Variants in CUL2 observed in about 807,000 individuals in gnomAD.
The protein encoded by CUL2 is cullin 2.
In CUL2, 22 loss-of-function variants were observed where a neutral mutation model predicts 110.2. The ratio of observed to expected loss-of-function variants is 0.20; its 90% CI spans 0.14 to 0.28. CUL2 has a LOEUF of 0.28. Ranked by LOEUF, CUL2 falls within the 10% of genes least tolerant of loss-of-function variation. The pLI, the probability that CUL2 is intolerant of heterozygous loss-of-function variation, is 1.00. For synonymous variants in CUL2, 279 were observed against 293.2 expected (o/e 0.95, Z 0.49); for missense variants, 631 against 905.5 (o/e 0.70, Z 3.89).
chr10:35,041,199 A>G (rs781462561), intron 8 of CUL2, among the ~76,000 whole-genome samples: 18 of 152,242 alleles, frequency 1.2e-4, no homozygotes, highest in Non-Finnish European at 2.4e-4. Flanking sequence ...AGCATACTAT[A>G]GTGACTTTAA....
chr10:35,080,289 C>G (rs544245115), intron 1 of CUL2, among the ~76,000 whole-genome samples: 7 of 152,136 alleles, frequency 4.6e-5, no homozygotes, highest in Non-Finnish European at 1.0e-4. Context: ...AATGAGCAAG[C>G]CACTGGATGT....
upstream of CUL2, among the ~76,000 whole-genome samples, chr10:35,092,957 C>G (rs2087235873): frequency 6.6e-6 from 1 of 152,070 alleles, no homozygotes; most frequent in Non-Finnish European, 1.5e-5. Context: ...TTGTGACTTC[C>G]CCAGTTGCTC....
intron 1 of CUL2, among the ~76,000 whole-genome samples, chr10:35,114,663 G>A (rs1272108480): frequency 3.3e-5 from 5 of 152,242 alleles, no homozygotes; most frequent in South Asian, 4.1e-4. Flanking sequence ...TTACAGGCAT[G>A]AGCCACCGCG....
chr10:35,086,919 A>G (rs2087079128), intron 1 of CUL2, among the ~76,000 whole-genome samples: 1 of 152,206 alleles, frequency 6.6e-6, no homozygotes, highest in African/African-American at 2.4e-5. Context: ...TGGGAACAAT[A>G]TTTGCTTATA....
intron 1 of CUL2, among the ~76,000 whole-genome samples, chr10:35,125,745 A>G (rs1001768846): frequency 2.0e-5 from 3 of 152,236 alleles, no homozygotes; most frequent in Non-Finnish European, 4.4e-5. Context: ...GTTTGGCTTA[A>G]AGCCATGATT....
chr10:35,044,051 C>CAAAAAAAAAAAAAAAAAAAAA, intron 8 of CUL2, among the ~76,000 whole-genome samples: 1 of 87,796 alleles, frequency 1.1e-5, no homozygotes, highest in Non-Finnish European at 2.2e-5. Flanking sequence ...ACCACATCTC[C>CAAAAAAAAAAAAAAAAAAAAA]AAAAAAAAAA....
intron 1 of CUL2, among the ~76,000 whole-genome samples, chr10:35,085,357 GA>G (rs1023749669): frequency 2.0e-5 from 3 of 151,166 alleles, no homozygotes; most frequent in African/African-American, 7.3e-5. Flanking sequence ...GTAGACCCAG[GA>G]GGCAGAGCTT....
chr10:35,065,621 A>C (rs893941359), intron 2 of CUL2, among the ~76,000 whole-genome samples: 3 of 152,092 alleles, frequency 2.0e-5, no homozygotes, highest in Middle Eastern at 3.4e-3. Flanking sequence ...TCCATCTCAA[A>C]AATAAATAAA....
At chr10:35,038,458 G>A (rs562981440) in intron 9 of CUL2, among the ~76,000 whole-genome samples, 94 of 135,676 alleles carry the variant, frequency 6.9e-4, no homozygotes, top group African/African-American at 2.4e-3. Context: ...TCTGGGAGGC[G>A]GAGGTTGCAG....
At position 35,073,585 on chromosome 10, in the gene CUL2, CT is replaced by C. The variant is rs889592586; in HGVS notation, c.-22-2247del. 1.3e-3 allele frequency among the ~76,000 whole-genome samples: 190 copies of C among 145,674 alleles called. 1 individual carries two copies. The highest frequency in any genetic ancestry group is 4.9e-3 in the South Asian group (22 of 4,504). On this transcript the variant is annotated intron_variant, in intron 1 of 20. Transcript: ENST00000374749. ...TGTTGTCCCCATTTTCTTTTCTTTT[CT>C]TTTTTTTTTTCTTTTTCTTTTTCTT...
intron 1 of CUL2, among the ~76,000 whole-genome samples, chr10:35,072,812 G>A (rs1255688267): frequency 1.3e-5 from 2 of 152,170 alleles, no homozygotes; most frequent in Non-Finnish European, 2.9e-5. Flanking sequence ...ACATTTTTCT[G>A]GCAAATGTTT....
Position 35,031,545 on chromosome 10 carries a change from G to A in CUL2, c.1245C>T (p.Leu415=), listed in dbSNP as rs1449529223. 2 of 1,614,014 alleles carry A rather than the reference G, an allele frequency of 1.2e-6. No individual in the cohort carries two copies. Among genetic ancestry groups the A allele is most frequent in the African/African-American group, 1.3e-5 (1 of 74,930 alleles). The change falls in exon 13 of 21, where the codon CTC becomes CTT. Residue 415 remains leucine (L), a synonymous_variant. Coordinates refer to ENST00000374749, the MANE Select transcript of CUL2 (RefSeq NM_003591.4). The surrounding 1 kb of genome is among the most constrained non-coding windows in gnomAD (Gnocchi z 4.4). The part of the protein sequence containing the change: ...GMTENEVEDR[L]TSFITVFKYI... ...ATTTGAACACTGTGATGAAGCTCGTGAGCCTGTCTTCCACTTCATTCTCTG... is the reference window on the plus strand; with the variant it reads ...ATTTGAACACTGTGATGAAGCTCGTAAGCCTGTCTTCCACTTCATTCTCTG...
chr10:35,023,760 A>G (rs1023846652), intron 17 of CUL2, among the ~76,000 whole-genome samples: 69 of 148,180 alleles, frequency 4.7e-4, no homozygotes, highest in South Asian at 2.1e-3. Flanking sequence ...TTCTTAGGGG[A>G]AAAAAAAAAA....
In CUL2 at chr10:35,009,290, AG is replaced by A. The variant is rs2084841881; in HGVS notation, c.*1020del. The A allele has an allele frequency of 6.6e-6, 1 of 151,120 alleles. No individual in the cohort carries two copies. The highest frequency in any genetic ancestry group is 1.5e-5 in the Non-Finnish European group (1 of 67,844). 9.4% of individuals were successfully genotyped at this position (151,120 alleles called of 1,614,324 possible). ...AATGTACAATTTTCTTTTTTAAAAAAGTATTTAGGTTATGCATTGCTAAGCA... is the reference window on the plus strand; with the variant it reads ...AATGTACAATTTTCTTTTTTAAAAAATATTTAGGTTATGCATTGCTAAGCA... On this transcript the variant is annotated 3_prime_UTR_variant, in exon 21 of 21. Coordinates refer to ENST00000374749, the MANE Select transcript of CUL2 (RefSeq NM_003591.4).
At chr10:35,062,929 A>C (rs1163215730) in intron 3 of CUL2, 31 bp downstream of exon 3, 2 of 1,206,166 alleles carry the variant, frequency 1.7e-6, no homozygotes, top group East Asian at 4.7e-5. Flanking sequence ...AACTATCAAC[A>C]TATTTATATC....
intron 18 of CUL2, among the ~76,000 whole-genome samples, 198 bp downstream of exon 18, chr10:35,015,994 G>A (rs191644288): frequency 2.0e-5 from 3 of 152,170 alleles, no homozygotes; most frequent in African/African-American, 2.4e-5. Context: ...AACTATAAAC[G>A]GCACATGGCA....
At chr10:35,088,858 A>G (rs1178647054) in intron 1 of CUL2, among the ~76,000 whole-genome samples, 49 of 152,202 alleles carry the variant, frequency 3.2e-4, no homozygotes, top group Admixed American at 3.2e-3. Flanking sequence ...ACTCATAAAC[A>G]GCAATTGAAA....
At chr10:35,079,292 T>A (rs1228310082) in intron 1 of CUL2, among the ~76,000 whole-genome samples, 1 of 152,176 alleles carries the variant, frequency 6.6e-6, no homozygotes, top group Non-Finnish European at 1.5e-5. Flanking sequence ...GCCTATGTAA[T>A]GAGATGAAGT....
intron 4 of CUL2, 32 bp from the exon 5 acceptor site, chr10:35,054,571 A>AC: frequency 1.5e-5 from 18 of 1,222,070 alleles, no homozygotes; most frequent in Non-Finnish European, 1.8e-5. Context: ...AATGGATATT[A>AC]AGTTAAAGTC....
Sources: gnomAD v4.1 joint callset for allele counts (sites outside exome capture counted in the v4.1 genomes callset) on GRCh38, gnomAD v4.1.1 for gene constraint, Gnocchi (gnomAD v3.1) non-coding constraint, MANE v1.5 for transcripts, NCBI Gene and HGNC (gene_info 2026-07-23, HGNC 2026-07-21) for gene names.